Variants in PTPA observed in about 807,000 individuals in gnomAD.
PTPA encodes protein phosphatase 2 phosphatase activator, also known as serine/threonine-protein phosphatase 2A activator.
A neutral mutation model predicts 43.6 loss-of-function variants in PTPA; 13 were observed. That is an observed-to-expected ratio of 0.30 (90% CI 0.19 to 0.47). The LOEUF (loss-of-function observed/expected upper bound fraction) is 0.47, where lower values mean the gene tolerates loss of function less well. PTPA is among the 20% of genes least tolerant of loss of function. PTPA has a pLI of 0.99. For missense variants in PTPA, 329 were observed against 411.9 expected, an observed-to-expected ratio of 0.80 and a Z score of 1.74; for synonymous variants, 172 against 158.2, an observed-to-expected ratio of 1.09 and a Z score of -0.66.
intron 1 of PTPA, among the ~76,000 whole-genome samples, chr9:129,118,612 T>C (rs1409197135): frequency 6.6e-6 from 1 of 152,060 alleles, no homozygotes; most frequent in Non-Finnish European, 1.5e-5. Context: ...ACCTCAGGTG[T>C]GATCCACCCA....
At chr9:129,111,272 T>G, upstream of PTPA, 2 of 1,195,528 alleles carry the variant, frequency 1.7e-6, no homozygotes, top group Non-Finnish European at 2.1e-6. Context: ...CGCCCGACGT[T>G]CGGGCGGCCG....
intron 5 of PTPA, 110 bp from the exon 6 acceptor site, chr9:129,134,685 G>A (rs1262487755): frequency 5.0e-6 from 4 of 805,768 alleles, no homozygotes; most frequent in East Asian, 2.5e-5. Context: ...TCTCCATGTT[G>A]ACCACCCTCC....
At position 129,136,513 on chromosome 9, in the gene PTPA, G is replaced by A; in HGVS notation, c.603G>A (p.Met201Ile). The A allele has an allele frequency of 6.2e-7, 1 of 1,613,976 alleles. No homozygotes were observed. Among genetic ancestry groups the A allele is most frequent in the African/African-American group, 1.3e-5 (1 of 75,042 alleles). The part of the protein sequence containing the change: ...VMRKLQKTYR[M>I]EPAGSQGVWG... ...GGAAACTCCAGAAAACATACAGGAT[G>A]GAGCCAGCCGGCAGCCAGGGAGTGT... The change falls in exon 7 of 10, where the codon ATG (methionine) becomes ATA (isoleucine). Residue 201 changes from methionine (M) to isoleucine (I), a missense_variant. Transcript: ENST00000393370.
In PTPA at chr9:129,140,784, G is replaced by A. The variant is rs17486450; in HGVS notation, c.787-1661G>A. 3.0e-3 allele frequency among the ~76,000 whole-genome samples: 398 copies of A among 130,590 alleles called. 2 individuals carry two copies. Among genetic ancestry groups the A allele is most frequent in the African/African-American group, 0.011 (376 of 34,598 alleles). 85.7% of individuals were successfully genotyped at this position (130,590 alleles called of 152,430 possible). A position where few individuals can be genotyped will look rare whatever the true frequency, so the allele number is the denominator to read the frequency against. On this transcript the variant is annotated intron_variant, in intron 8 of 9. Coordinates refer to ENST00000393370, the MANE Select transcript of PTPA (RefSeq NM_178000.3). The stretch of plus-strand genomic sequence containing the variant: ...ACAGGGCTGGAGCCTGCAGACTGGG[G>A]AAGGGGTGGGGTAGGGTGGGGAGGT...
intron 9 of PTPA, chr9:129,143,184 A>G: frequency 3.2e-6 from 2 of 623,302 alleles, no homozygotes; most frequent in Non-Finnish European, 5.8e-6. Context: ...TCTCCCAGCC[A>G]AGGAGGTGGC....
intron 2 of PTPA, among the ~76,000 whole-genome samples, chr9:129,121,369 C>G (rs996069328): frequency 2.4e-4 from 37 of 152,318 alleles, no homozygotes; most frequent in African/African-American, 8.4e-4. Flanking sequence ...GGGCTTGGGG[C>G]CATCTAAACC....
intron 9 of PTPA, 49 bp from the exon 10 acceptor site, chr9:129,147,338 G>A: frequency 6.4e-7 from 1 of 1,572,778 alleles, no homozygotes; most frequent in East Asian, 2.2e-5. Flanking sequence ...GTCCTGGCAG[G>A]GGTGTGGTGT....
chr9:129,136,133 G>A (rs12351338), intron 6 of PTPA, among the ~76,000 whole-genome samples: 3,459 of 152,120 alleles, frequency 0.023, 122 homozygotes, highest in Admixed American at 0.1. Flanking sequence ...ACACCTGGCT[G>A]ATTTTTTGGA....
At chr9:129,136,828 T>C (rs1240112991) in intron 7 of PTPA, among the ~76,000 whole-genome samples, 1 of 152,180 alleles carries the variant, frequency 6.6e-6, no homozygotes, top group African/African-American at 2.4e-5. Context: ...GCCACCAAGA[T>C]AATGGGAAGT....
In PTPA at chr9:129,146,801, C is replaced by A. The variant is rs548668436; in HGVS notation, c.895-586C>A. On this transcript the variant is annotated intron_variant, in intron 9 of 9. Transcript: ENST00000393370. ...GGGCTGGGCTCAGGGAGTCGGGCCT[C>A]CCCCGTGCTCAGCCATTCCCCTGTT... 9.2e-5 allele frequency among the ~76,000 whole-genome samples: 14 copies of A among 152,328 alleles called. No homozygotes were observed. The South Asian group carries it at 2.9e-3, about 32-fold the overall frequency.
At chr9:129,123,575 T>C in intron 3 of PTPA, among the ~76,000 whole-genome samples, 1 of 152,208 alleles carries the variant, frequency 6.6e-6, no homozygotes, top group East Asian at 1.9e-4. Context: ...CATTTTCATA[T>C]CTATATTTCT....
chr9:129,138,077 G>A (rs750544323), intron 8 of PTPA: 17 of 292,800 alleles, frequency 5.8e-5, no homozygotes, highest in Non-Finnish European at 1.1e-4. Context: ...TGCTGTGGAT[G>A]TGTAAAATGA....
intron 8 of PTPA, among the ~76,000 whole-genome samples, chr9:129,141,029 G>A (rs879340961): frequency 2.0e-5 from 3 of 152,136 alleles, no homozygotes; most frequent in South Asian, 2.1e-4. Flanking sequence ...CTGTGGTGGA[G>A]CCTGGGAGAG....
At chr9:129,145,900 G>A (rs1266636693) in intron 9 of PTPA, among the ~76,000 whole-genome samples, 1 of 152,180 alleles carries the variant, frequency 6.6e-6, no homozygotes, top group Non-Finnish European at 1.5e-5. Context: ...GCCTTGCTGG[G>A]AGAAAGGCTG....
At chr9:129,111,338 A>G (rs372907443), upstream of PTPA, 63 of 1,141,226 alleles carry the variant, frequency 5.5e-5, no homozygotes, top group East Asian at 2.5e-3. Flanking sequence ...CGCGCCCCGC[A>G]CTGACATGGC....
intron 8 of PTPA, chr9:129,138,013 T>G: frequency 1.4e-5 from 5 of 356,712 alleles, no homozygotes; most frequent in South Asian, 2.4e-5. Context: ...CGGAGGTTTG[T>G]GGGGGAGGGT....
At chr9:129,118,515 A>G (rs949899753) in intron 1 of PTPA, among the ~76,000 whole-genome samples, 2 of 152,132 alleles carry the variant, frequency 1.3e-5, no homozygotes, top group African/African-American at 2.4e-5. Context: ...CTGGGATTAT[A>G]GGCATGCGCC....
At chr9:129,131,150 C>T (rs894748962) in intron 4 of PTPA, among the ~76,000 whole-genome samples, 1 of 152,158 alleles carries the variant, frequency 6.6e-6, no homozygotes, top group Non-Finnish European at 1.5e-5. Context: ...CACATGACAC[C>T]AGCTCTTGCT....
intron 2 of PTPA, 131 bp from the exon 3 acceptor site, chr9:129,122,921 T>G: frequency 1.5e-6 from 1 of 666,820 alleles, no homozygotes; most frequent in Non-Finnish European, 2.6e-6. Context: ...CTCCTGCTAT[T>G]GGGTTGGGAG....
Sources: gnomAD v4.1 joint callset for allele counts (sites outside exome capture counted in the v4.1 genomes callset) on GRCh38, gnomAD v4.1.1 for gene constraint, MANE v1.5 for transcripts, NCBI Gene and HGNC (gene_info 2026-07-23, HGNC 2026-07-21) for gene names.